NUP85: variants seen among roughly 807,000 people sequenced by gnomAD.
The protein encoded by NUP85 is nuclear pore complex protein Nup85.
Under a neutral mutation model 92.8 loss-of-function variants are expected in NUP85, and 23 were observed. That is an observed-to-expected ratio of 0.25 (90% CI 0.18 to 0.35). NUP85 has a LOEUF of 0.35. Ranked by LOEUF, NUP85 falls within the 10% of genes least tolerant of loss-of-function variation. The pLI is 1.00. For missense variants in NUP85, 759 were observed against 822.8 expected (o/e 0.92, Z 0.95); for synonymous variants, 314 against 306.9 (o/e 1.02, Z -0.24).
intron 2 of NUP85, 111 bp downstream of exon 2, chr17:75,208,731 C>T (rs991400562): frequency 5.4e-6 from 4 of 740,704 alleles, no homozygotes; most frequent in Non-Finnish European, 9.7e-6. Flanking sequence ...TTATTTTGTA[C>T]TATTTTAATT....
rs922308875 is a variant in NUP85, at chr17:75,208,510, A to T, written c.34-17A>T. On this transcript the variant is annotated splice_polypyrimidine_tract_variant and intron_variant, in intron 1 of 18. Transcript: ENST00000245544. Reference sequence around the variant, plus strand: ...AGAACATTTTTCATTTTAGATTTCTATGCCTTATTTTACTAGTTGATTCCA... The same window carrying T: ...AGAACATTTTTCATTTTAGATTTCTTTGCCTTATTTTACTAGTTGATTCCA... The T allele has an allele frequency of 2.3e-6, 3 of 1,290,018 alleles. No individual in the cohort carries two copies. The highest frequency in any genetic ancestry group is 3.4e-6 in the Non-Finnish European group (3 of 892,056). 79.9% of individuals were successfully genotyped at this position (1,290,018 alleles called of 1,614,324 possible). A position where few individuals can be genotyped will look rare whatever the true frequency, so the allele number is the denominator to read the frequency against.
chr17:75,224,212 A>AT (rs1212099661), intron 7 of NUP85, among the ~76,000 whole-genome samples: 1 of 151,598 alleles, frequency 6.6e-6, no homozygotes, highest in Non-Finnish European at 1.5e-5. Context: ...CGCCTGGCTA[A>AT]TTTTTTGTAT....
At chr17:75,215,480 G>A (rs568404077) in intron 5 of NUP85, among the ~76,000 whole-genome samples, 1 of 152,210 alleles carries the variant, frequency 6.6e-6, no homozygotes, top group Non-Finnish European at 1.5e-5. Context: ...AAAGTGCTGG[G>A]ATTACAGGAA....
chr17:75,233,581 C>T lies in NUP85; in HGVS notation c.1615+423C>T, dbSNP rs142824825. 1.1e-3 allele frequency among the ~76,000 whole-genome samples: 164 copies of T among 151,390 alleles called. 4 individuals carry two copies. In the East Asian group the frequency reaches 0.028, roughly 26 times the overall value. On this transcript the variant is annotated intron_variant, in intron 16 of 18. Coordinates refer to ENST00000245544, the MANE Select transcript of NUP85 (RefSeq NM_024844.5). ...GGATTACAGGCACGCGGAACCACAC[C>T]TGGCTAATTTTTGTATTTTATTTAT...
rs2076049512 is a variant in NUP85 at position 75,231,309 on chromosome 17, T to A, written c.1095-31T>A. 1 of 1,613,140 alleles carries A rather than the reference T, an allele frequency of 6.2e-7. No homozygotes were observed. Among genetic ancestry groups the A allele is most frequent in the Admixed American group, 1.7e-5 (1 of 60,002 alleles). ...GTGGGACGCGGCCTGTGCCCTGATT[T>A]TCCTTCTTGCCTTGGTGTCTGAATC... On this transcript the variant is annotated intron_variant, in intron 11 of 18. Transcript: ENST00000245544. The surrounding 1 kb of genome is among the most constrained non-coding windows in gnomAD (Gnocchi z 4.6).
intron 6 of NUP85, among the ~76,000 whole-genome samples, chr17:75,216,654 T>C (rs1284744541): frequency 6.6e-6 from 1 of 152,180 alleles, no homozygotes; most frequent in Non-Finnish European, 1.5e-5. Flanking sequence ...TTTGCATTTC[T>C]TTTAAGGATT....
Position 75,231,510 on chromosome 17 carries a change from G to A in NUP85, c.1179-63G>A. 3 of 1,610,346 alleles carry A rather than the reference G, an allele frequency of 1.9e-6. No homozygotes were observed. Among genetic ancestry groups the A allele is most frequent in the Non-Finnish European group, 2.5e-6 (3 of 1,176,568 alleles). ...AACTGAATGCCTGAAAGGGAGGTTG[G>A]GCTAAGGGGGCCCTGAACAGGGCAG... On this transcript the variant is annotated intron_variant, in intron 12 of 18. Coordinates refer to ENST00000245544, the MANE Select transcript of NUP85 (RefSeq NM_024844.5). The surrounding 1 kb of genome is among the most constrained non-coding windows in gnomAD (Gnocchi z 4.6).
intron 16 of NUP85, among the ~76,000 whole-genome samples, chr17:75,234,300 A>C (rs973158444): frequency 1.4e-4 from 20 of 142,592 alleles, no homozygotes; most frequent in East Asian, 1.1e-3. Flanking sequence ...GATCCACCTG[A>C]CTCGGCCTCC....
In NUP85 at chr17:75,212,109, T is replaced by TGG. The variant is rs750798763; in HGVS notation, c.361+49_361+50dup. ...GCGCGTGTGTGTGTGTGTGTGTGTGTGGGTATTTTGAGTATTTATCTATGC... is the reference window on the plus strand; with the variant it reads ...GCGCGTGTGTGTGTGTGTGTGTGTGTGGGGGTATTTTGAGTATTTATCTATGC... On this transcript the variant is annotated intron_variant, in intron 4 of 18. Transcript: ENST00000245544. 4 of 1,374,698 alleles carry TGG rather than the reference T, an allele frequency of 2.9e-6. No individual in the cohort carries two copies. The African/African-American group carries it at 4.7e-5, about 16-fold the overall frequency. The allele number at this position is 1,374,698 out of a possible 1,614,324, so 85.2% of individuals were successfully genotyped here.
chr17:75,209,042 A>T (rs2075176693), intron 2 of NUP85, among the ~76,000 whole-genome samples: 1 of 152,018 alleles, frequency 6.6e-6, no homozygotes, highest in South Asian at 2.1e-4. Flanking sequence ...ATTTTCATTG[A>T]TTTTTGAGAT....
At chr17:75,212,789 G>A (rs764082552) in intron 4 of NUP85, among the ~76,000 whole-genome samples, 1 of 151,924 alleles carries the variant, frequency 6.6e-6, no homozygotes, top group African/African-American at 2.4e-5. Flanking sequence ...CCAAAGTGTC[G>A]GGATTACAGG....
chr17:75,232,566 A>G lies in NUP85; in HGVS notation c.1397-285A>G, dbSNP rs2076110203. Among the ~76,000 whole-genome samples, 6 of 151,946 alleles carry G rather than the reference A, an allele frequency of 3.9e-5. No homozygotes were observed. The South Asian group carries it at 1.2e-3, about 32-fold the overall frequency. On this transcript the variant is annotated intron_variant, in intron 14 of 18. Coordinates refer to ENST00000245544, the MANE Select transcript of NUP85 (RefSeq NM_024844.5). Reference sequence around the variant, plus strand: ...CACGTAGGGAGAAACACGTAGGGAGAAAAAAAATAGAAGAGCTGACATGTA... The same window carrying G: ...CACGTAGGGAGAAACACGTAGGGAGGAAAAAAATAGAAGAGCTGACATGTA...
At chr17:75,215,717 T>C in intron 5 of NUP85, 37 bp from the exon 6 acceptor site, 1 of 1,592,636 alleles carries the variant, frequency 6.3e-7, no homozygotes, top group Non-Finnish European at 8.6e-7. Context: ...AGCTCAGGAA[T>C]CATTTCAGGT....
intron 11 of NUP85, chr17:75,228,838 C>T: frequency 1.0e-6 from 1 of 985,446 alleles, no homozygotes; most frequent in Non-Finnish European, 1.2e-6. Flanking sequence ...AAAAGGCAGC[C>T]AGGGGATCCT....
chr17:75,208,440 C>CAAA (rs10579016), intron 1 of NUP85, 87 bp from the exon 2 acceptor site: 44 of 577,060 alleles, frequency 7.6e-5, no homozygotes, highest in African/African-American at 5.0e-4. Context: ...GTCTTTGTCT[C>CAAA]AAAAAAAAAA....
At chr17:75,219,244 C>T (rs577760707) in intron 7 of NUP85, among the ~76,000 whole-genome samples, 49 of 152,162 alleles carry the variant, frequency 3.2e-4, no homozygotes, top group Non-Finnish European at 1.9e-4. Flanking sequence ...AAGTAGTGGG[C>T]CAAATGTTTG....
At chr17:75,224,827 T>TG (rs1229761004) in intron 7 of NUP85, among the ~76,000 whole-genome samples, 41 of 63,628 alleles carry the variant, frequency 6.4e-4, no homozygotes, top group South Asian at 1.7e-3. Flanking sequence ...AGGGGAACTC[T>TG]GGAAAAAAAA....
rs771159250 is a variant in NUP85, at chr17:75,225,681, C to T, written c.856-17C>T. The T allele has an allele frequency of 6.2e-7, 1 of 1,613,866 alleles. No individual in the cohort carries two copies. On this transcript the variant is annotated splice_polypyrimidine_tract_variant and intron_variant, in intron 9 of 18. Transcript: ENST00000245544. ...CCTGAGAGGAGGACAGAGTTCAGCA[C>T]AAATGTCTCTCCTCAGATTATGCTG...
Position 75,235,757 on chromosome 17 carries a change from T to A in NUP85, c.*78T>A. 9.0e-7 allele frequency: 1 copy of A among 1,116,106 alleles called. No individual in the cohort carries two copies. The highest frequency in any genetic ancestry group is 1.3e-6 in the Non-Finnish European group (1 of 750,666). The allele number at this position is 1,116,106 out of a possible 1,614,324, so 69.1% of individuals were successfully genotyped here. A position where few individuals can be genotyped will look rare whatever the true frequency, so the allele number is the denominator to read the frequency against. On this transcript the variant is annotated 3_prime_UTR_variant, in exon 19 of 19. Transcript: ENST00000245544. ...AAGAATAAATGTTGTTTTGCAAATG[T>A]AGGTTCTTAGAGTCCACCCAGGGAA...
Sources: allele counts gnomAD v4.1 joint callset (sites outside exome capture counted in the v4.1 genomes callset), GRCh38; gene constraint gnomAD v4.1.1; non-coding constraint Gnocchi (gnomAD v3.1); transcripts MANE v1.5; gene names NCBI Gene and HGNC (gene_info 2026-07-23, HGNC 2026-07-21).